The following NELL1 variants were observed in gnomAD, a reference collection of about 807,000 sequenced individuals.
NELL1 encodes the protein protein kinase C-binding protein NELL1.
NELL1 carries 76 observed loss-of-function variants against 107.4 expected under a neutral mutation model. That is an observed-to-expected ratio of 0.71 (90% CI 0.59 to 0.86). The LOEUF is 0.86. Ranked by LOEUF, NELL1 falls within the 40% of genes least tolerant of loss-of-function variation. The probability of loss-of-function intolerance (pLI) is 0.00; values close to 1 mark genes in which losing one functional copy is unlikely to be tolerated. For synonymous variants in NELL1, 353 were observed against 341.2 expected (o/e 1.03, Z -0.38); for missense variants, 1,024 against 1,005.5 (o/e 1.02, Z -0.25).
intron 15 of NELL1, among the ~76,000 whole-genome samples, chr11:21,521,849 G>A (rs1234303844): frequency 6.6e-6 from 1 of 152,120 alleles, no homozygotes; most frequent in Non-Finnish European, 1.5e-5. Flanking sequence ...TTTCTCTGAT[G>A]ATTAATAGCC....
At chr11:20,753,510 T>G (rs1439897798) in intron 2 of NELL1, among the ~76,000 whole-genome samples, 2 of 152,206 alleles carry the variant, frequency 1.3e-5, no homozygotes, top group African/African-American at 4.8e-5. Context: ...TAATCACATT[T>G]GAGTCTAGCT....
intron 3 of NELL1, among the ~76,000 whole-genome samples, chr11:20,784,657 A>G (rs1168893010): frequency 6.6e-6 from 1 of 152,218 alleles, no homozygotes; most frequent in Non-Finnish European, 1.5e-5. Context: ...TTTAAGAAAG[A>G]TCACTCAATC....
chr11:20,755,563 T>TTTTTATTTATTTA, intron 2 of NELL1, among the ~76,000 whole-genome samples: 1 of 19,130 alleles, frequency 5.2e-5, no homozygotes, highest in South Asian at 2.0e-3. Flanking sequence ...TTTGTTTTTG[T>TTTTTATTTATTTA]TTTTTTTTTT....
At chr11:20,684,478 C>G (rs189559653) in intron 2 of NELL1, among the ~76,000 whole-genome samples, 2 of 152,042 alleles carry the variant, frequency 1.3e-5, no homozygotes, top group South Asian at 2.1e-4. Context: ...TCTTCCATGT[C>G]TCTACCTAAC....
intron 14 of NELL1, among the ~76,000 whole-genome samples, chr11:21,241,843 CTG>C (rs2133899147): frequency 6.6e-6 from 1 of 150,850 alleles, no homozygotes; most frequent in Admixed American, 6.6e-5. Flanking sequence ...GTTCATTCAG[CTG>C]TGTTTCATCT....
rs1011932300 is a variant in NELL1, at chr11:20,920,724, C to T, written c.759+1390C>T. 2.6e-5 allele frequency among the ~76,000 whole-genome samples: 4 copies of T among 152,148 alleles called. No individual in the cohort carries two copies. In the East Asian group the frequency reaches 5.8e-4, roughly 22 times the overall value. On this transcript the variant is annotated intron_variant, in intron 7 of 19. Coordinates refer to ENST00000357134, the MANE Select transcript of NELL1 (RefSeq NM_006157.5). Reference sequence around the variant, plus strand: ...GTTCTTCATTCTCCAGCTTCGAGGGCGTCGTTTGCTTTCTCATTCTTTCCC... The same window carrying T: ...GTTCTTCATTCTCCAGCTTCGAGGGTGTCGTTTGCTTTCTCATTCTTTCCC...
intron 16 of NELL1, among the ~76,000 whole-genome samples, chr11:21,542,641 C>T (rs891498971): frequency 6.6e-6 from 1 of 151,888 alleles, no homozygotes; most frequent in South Asian, 2.1e-4. Flanking sequence ...ATGTCATTAC[C>T]TTCTTTGCAT....
chr11:21,448,743 C>A (rs958837492), intron 15 of NELL1, among the ~76,000 whole-genome samples: 5 of 152,184 alleles, frequency 3.3e-5, no homozygotes, highest in Admixed American at 1.3e-4. Flanking sequence ...CTGTCACTTC[C>A]AAATGACAAA....
In NELL1 at chr11:21,361,251, G is replaced by A. The variant is rs7126903; in HGVS notation, c.1550-9602G>A. The stretch of plus-strand genomic sequence containing the variant: ...TAGCTTTGCTAGATACAAATTCCTT[G>A]TGTGACAATTTTTTTTTTTTTTTTT... On this transcript the variant is annotated intron_variant, in intron 14 of 19. Transcript: ENST00000357134. Among the ~76,000 whole-genome samples, 877 of 132,858 alleles carry A rather than the reference G, an allele frequency of 6.6e-3. 8 individuals carry two copies. Among genetic ancestry groups the A allele is most frequent in the African/African-American group, 0.023 (824 of 35,746 alleles). 87.2% of individuals were successfully genotyped at this position (132,858 alleles called of 152,430 possible).
chr11:21,328,292 C>T (rs1850191745), intron 14 of NELL1, among the ~76,000 whole-genome samples: 1 of 151,766 alleles, frequency 6.6e-6, no homozygotes, highest in Admixed American at 6.6e-5. Context: ...GGCCGATGTA[C>T]AGTTCAGGCT....
chr11:21,409,082 C>T (rs1275578625), intron 15 of NELL1, among the ~76,000 whole-genome samples: 47 of 152,068 alleles, frequency 3.1e-4, no homozygotes, highest in African/African-American at 1.1e-3. Flanking sequence ...CATTACTGGG[C>T]ATATACCCAA....
At chr11:20,828,899 A>G (rs146982211) in intron 3 of NELL1, among the ~76,000 whole-genome samples, 76 of 152,314 alleles carry the variant, frequency 5.0e-4, no homozygotes, top group African/African-American at 1.8e-3. Flanking sequence ...GATGAGAACC[A>G]TGAGCCAAGA....
intron 13 of NELL1, among the ~76,000 whole-genome samples, chr11:21,197,607 T>C (rs2133843857): frequency 6.6e-6 from 1 of 152,280 alleles, no homozygotes; most frequent in Non-Finnish European, 1.5e-5. Context: ...GAAAATATAT[T>C]TTGAATACTG....
intron 13 of NELL1, among the ~76,000 whole-genome samples, chr11:21,223,029 T>G (rs1232215486): frequency 6.6e-6 from 1 of 152,184 alleles, no homozygotes; most frequent in African/African-American, 2.4e-5. Context: ...TTGGATATAT[T>G]GTTCTGGAAA....
At chr11:20,743,471 C>G (rs1268434822) in intron 2 of NELL1, among the ~76,000 whole-genome samples, 1 of 152,136 alleles carries the variant, frequency 6.6e-6, no homozygotes, top group Non-Finnish European at 1.5e-5. Flanking sequence ...GTTGTTGTAA[C>G]AATGAGATTA....
intron 13 of NELL1, among the ~76,000 whole-genome samples, chr11:21,179,847 AC>A (rs1856790672): frequency 6.8e-6 from 1 of 147,214 alleles, no homozygotes; most frequent in Admixed American, 6.9e-5. Flanking sequence ...AAGGTTTAGG[AC>A]AGAAATCAAC....
At chr11:20,734,456 A>C (rs1855715940) in intron 2 of NELL1, among the ~76,000 whole-genome samples, 1 of 152,200 alleles carries the variant, frequency 6.6e-6, no homozygotes, top group African/African-American at 2.4e-5. Flanking sequence ...GATGGCTCCG[A>C]TGAGGATCAT....
chr11:21,315,175 C>T (rs1340733798), intron 14 of NELL1, among the ~76,000 whole-genome samples: 1 of 152,124 alleles, frequency 6.6e-6, no homozygotes, highest in African/African-American at 2.4e-5. Context: ...TTAACCAGTA[C>T]ACAAACTGCC....
chr11:21,384,972 C>G (rs1851706099), intron 15 of NELL1, among the ~76,000 whole-genome samples: 1 of 151,916 alleles, frequency 6.6e-6, no homozygotes, highest in Non-Finnish European at 1.5e-5. Context: ...AACTAACTCA[C>G]ATCATATTTT....
Sources: gnomAD v4.1 joint callset for allele counts (sites outside exome capture counted in the v4.1 genomes callset) on GRCh38, gnomAD v4.1.1 for gene constraint, MANE v1.5 for transcripts, NCBI Gene and HGNC (gene_info 2026-07-23, HGNC 2026-07-21) for gene names.